Variants in AKAP9 observed in about 807,000 individuals in gnomAD.
The protein encoded by AKAP9 is A-kinase anchoring protein 9, also known as A-kinase anchor protein 9.
In AKAP9, 311 loss-of-function variants were observed where a neutral mutation model predicts 488.5. The ratio of observed to expected loss-of-function variants is 0.64; its 90% confidence interval spans 0.58 to 0.70. AKAP9 has a LOEUF of 0.70. AKAP9 is among the 30% of genes least tolerant of loss of function. AKAP9 has a pLI of 0.00. For synonymous variants in AKAP9, 1,462 were observed against 1,483.5 expected (o/e 0.99, Z 0.33); for missense variants, 4,215 against 4,374.5 (o/e 0.96, Z 1.03).
rs878854813 is a variant in AKAP9 at position 92,096,874 on chromosome 7, G to A, written c.9915G>A (p.Glu3305=). The A allele has an allele frequency of 6.2e-7, 1 of 1,614,176 alleles. No individual in the cohort carries two copies. Among genetic ancestry groups the A allele is most frequent in the Non-Finnish European group, 8.5e-7 (1 of 1,180,038 alleles). The change falls in exon 41 of 50, where the codon GAG becomes GAA. Residue 3305 remains glutamate (E), a synonymous_variant. Transcript: ENST00000356239. ...NLELQVLLES[E]KVRIREMSST... The stretch of plus-strand genomic sequence containing the variant: ...AGCTTCAGGTACTTCTTGAATCTGA[G>A]AAAGTTCGAATTCGGGAAATGAGTA...
intron 24 of AKAP9, among the ~76,000 whole-genome samples, chr7:92,063,131 T>C (rs1584383543): frequency 6.6e-6 from 1 of 152,194 alleles, no homozygotes; most frequent in Admixed American, 6.5e-5. Flanking sequence ...ACACGTGCAG[T>C]TGGATTTTTA....
Position 92,085,624 on chromosome 7 carries a change from A to G in AKAP9, c.8962A>G (p.Ile2988Val). 3 of 1,613,976 alleles carry G rather than the reference A, an allele frequency of 1.9e-6. No individual in the cohort carries two copies. The highest frequency in any genetic ancestry group is 4.5e-5 in the East Asian group (2 of 44,884). ...TTGGCTAGAAGAGAGAAAAGCTTAC[A>G]TCAATACAATCTCATCTCTAAAGGA... ...EPWLEERKAYINTISSLKDLI... is the reference protein window; with the variant it reads ...EPWLEERKAYVNTISSLKDLI... The change falls in exon 36 of 50, where the codon ATC (isoleucine) becomes GTC (valine). Residue 2988 changes from isoleucine (I) to valine (V), a missense_variant. Transcript: ENST00000356239.
At chr7:92,040,998 G>A in intron 18 of AKAP9, 100 bp downstream of exon 18, 3 of 1,026,792 alleles carry the variant, frequency 2.9e-6, no homozygotes, top group Non-Finnish European at 4.2e-6. Context: ...TTTTTATGTA[G>A]CCATAATTTT....
chr7:91,943,585 CT>C (rs1301512694), intron 1 of AKAP9, among the ~76,000 whole-genome samples: 1 of 152,166 alleles, frequency 6.6e-6, no homozygotes, highest in Non-Finnish European at 1.5e-5. Flanking sequence ...GGGGGATATT[CT>C]TCCACGTTTT....
rs1554405166 is a variant in AKAP9 at position 92,002,685 on chromosome 7, T to C, written c.2768T>C (p.Phe923Ser). The C allele has an allele frequency of 1.2e-6, 2 of 1,613,522 alleles. No individual in the cohort carries two copies. Among genetic ancestry groups the C allele is most frequent in the Non-Finnish European group, 1.7e-6 (2 of 1,179,686 alleles). ...KSSVFDEDKTFVAETLEMGEV... is the reference protein window; with the variant it reads ...KSSVFDEDKTSVAETLEMGEV... Reference sequence around the variant, plus strand: ...TCTGTCTTTGATGAAGACAAAACTTTTGTAGCAGAAACATTGGAAATGGGT... The same window carrying C: ...TCTGTCTTTGATGAAGACAAAACTTCTGTAGCAGAAACATTGGAAATGGGT... The change falls in exon 8 of 50, where the codon TTT becomes TCT. Residue 923 changes from phenylalanine to serine, a missense_variant. By Grantham distance (155) the Phe-to-Ser change is radical (BLOSUM62 -2). Coordinates refer to ENST00000356239, the MANE Select transcript of AKAP9 (RefSeq NM_005751.5).
chr7:92,047,507 C>T (rs1807210794), intron 21 of AKAP9, among the ~76,000 whole-genome samples: 1 of 152,304 alleles, frequency 6.6e-6, no homozygotes, highest in Middle Eastern at 3.4e-3. Flanking sequence ...GCGTGAGCCA[C>T]TGCGACTGAC....
At chr7:92,081,059 ACAT>A (rs1210751417) in intron 31 of AKAP9, among the ~76,000 whole-genome samples, 1 of 152,196 alleles carries the variant, frequency 6.6e-6, no homozygotes, top group African/African-American at 2.4e-5. Context: ...TATTTCATTA[ACAT>A]CATCATTAAA....
At chr7:92,047,126 G>T (rs1482578146) in intron 21 of AKAP9, among the ~76,000 whole-genome samples, 1 of 152,134 alleles carries the variant, frequency 6.6e-6, no homozygotes, top group Non-Finnish European at 1.5e-5. Flanking sequence ...AAAGACTTCT[G>T]ATCCACTAGC....
chr7:92,093,085 T>C lies in AKAP9; in HGVS notation c.9359-12T>C. 1 of 1,601,748 alleles carries C rather than the reference T, an allele frequency of 6.2e-7. No individual in the cohort carries two copies. Among genetic ancestry groups the C allele is most frequent in the East Asian group, 2.2e-5 (1 of 44,772 alleles). On this transcript the variant is annotated splice_polypyrimidine_tract_variant and intron_variant, in intron 38 of 49. Transcript: ENST00000356239. Reference sequence around the variant, plus strand: ...TTGATTATGTTTCAAATATTAATCATGTTCTGTGTAGAACTCTTGGAATAT... The same window carrying C: ...TTGATTATGTTTCAAATATTAATCACGTTCTGTGTAGAACTCTTGGAATAT...
chr7:92,050,358 G>A (rs367662935), intron 21 of AKAP9, among the ~76,000 whole-genome samples: 6 of 152,112 alleles, frequency 3.9e-5, no homozygotes, highest in African/African-American at 1.2e-4. Flanking sequence ...GCCTCCCAAA[G>A]TGCTGGGATT....
At chr7:92,053,302 C>A (rs750013150) in intron 22 of AKAP9, among the ~76,000 whole-genome samples, 33 of 152,106 alleles carry the variant, frequency 2.2e-4, no homozygotes, top group Non-Finnish European at 3.8e-4. Context: ...TGGATCTCAG[C>A]CAGTGTTAAT....
intron 21 of AKAP9, among the ~76,000 whole-genome samples, chr7:92,051,403 A>C (rs921095969): frequency 6.6e-5 from 10 of 152,246 alleles, no homozygotes; most frequent in African/African-American, 2.4e-4. Flanking sequence ...AATATAAATA[A>C]GTACCAGTGT....
chr7:92,000,600 A>G (rs1345977022), intron 7 of AKAP9, among the ~76,000 whole-genome samples: 1 of 152,244 alleles, frequency 6.6e-6, no homozygotes, highest in Non-Finnish European at 1.5e-5. Context: ...TTTTAATCAC[A>G]GAAATGTTAA....
chr7:92,077,446 G>A (rs1396451199), intron 29 of AKAP9, among the ~76,000 whole-genome samples: 1 of 152,114 alleles, frequency 6.6e-6, no homozygotes, highest in Non-Finnish European at 1.5e-5. Context: ...ATACTCAACA[G>A]AGGAACATTA....
intron 3 of AKAP9, among the ~76,000 whole-genome samples, chr7:91,986,803 ATAAAACT>A (rs1797148280): frequency 6.6e-6 from 1 of 152,104 alleles, no homozygotes; most frequent in African/African-American, 2.4e-5. Flanking sequence ...AGTACTACCG[ATAAAACT>A]TAGAACAGTA....
chr7:92,083,076 C>A, intron 32 of AKAP9, 94 bp from the exon 33 acceptor site: 1 of 1,430,784 alleles, frequency 7.0e-7, no homozygotes, highest in Non-Finnish European at 9.6e-7. Flanking sequence ...AACGTATAAT[C>A]ATGAATTACA....
Position 92,070,956 on chromosome 7 carries a change from C to G in AKAP9, c.6559C>G (p.Leu2187Val). ...TGTAGAAGCTAAACCAGAATTGTCC[C>G]TAGAAGTACAATTGCAGGCTGAACG... ...GAVEAKPELS[L>V]EVQLQAERDA... The change falls in exon 28 of 50, where the codon CTA becomes GTA. Residue 2187 changes from leucine (L) to valine (V), a missense_variant. Coordinates refer to ENST00000356239, the MANE Select transcript of AKAP9 (RefSeq NM_005751.5). 1 of 1,613,918 alleles carries G rather than the reference C, an allele frequency of 6.2e-7. No homozygotes were observed. The highest frequency in any genetic ancestry group is 8.5e-7 in the Non-Finnish European group (1 of 1,179,978).
At chr7:92,084,963 T>C (rs762959653) in intron 35 of AKAP9, 23 bp downstream of exon 35, 1 of 1,609,850 alleles carries the variant, frequency 6.2e-7, no homozygotes, top group Non-Finnish European at 8.5e-7. Context: ...AGATACCTTT[T>C]ATTAACTCAG....
chr7:91,950,530 T>G (rs892617670), intron 1 of AKAP9, among the ~76,000 whole-genome samples: 12 of 152,154 alleles, frequency 7.9e-5, no homozygotes, highest in African/African-American at 2.9e-4. Context: ...ACGTCCAGGC[T>G]AGGGTCTCAC....
Sources: gnomAD v4.1 joint callset for allele counts (sites outside exome capture counted in the v4.1 genomes callset) on GRCh38, gnomAD v4.1.1 for gene constraint, MANE v1.5 for transcripts, NCBI Gene and HGNC (gene_info 2026-07-23, HGNC 2026-07-21) for gene names.